The following ATP2B1 variants were observed in gnomAD, a reference collection of about 807,000 sequenced individuals.
ATP2B1 encodes the protein plasma membrane calcium-transporting ATPase 1.
In ATP2B1, 14 loss-of-function variants were observed where a neutral mutation model predicts 124.2. That is an observed-to-expected ratio of 0.11 (90% CI 0.07 to 0.18). ATP2B1 has a LOEUF of 0.18. Ranked by LOEUF, ATP2B1 falls within the 10% of genes least tolerant of loss-of-function variation. ATP2B1 has a pLI of 1.00. For missense variants in ATP2B1, 763 were observed against 1,466.1 expected, an observed-to-expected ratio of 0.52 and a Z score of 7.83; for synonymous variants, 449 against 492.4, an observed-to-expected ratio of 0.91 and a Z score of 1.17.
chr12:89,705,934 G>A (rs1254864545), intron 1 of ATP2B1, among the ~76,000 whole-genome samples: 1 of 152,066 alleles, frequency 6.6e-6, no homozygotes, highest in Admixed American at 6.5e-5. Flanking sequence ...AATATTTTGC[G>A]GTTTGTAAGT....
intron 2 of ATP2B1, among the ~76,000 whole-genome samples, chr12:89,647,311 G>A (rs1376551040): frequency 2.6e-5 from 4 of 152,076 alleles, no homozygotes; most frequent in African/African-American, 9.7e-5. Flanking sequence ...CATGCTTTTG[G>A]GGTCTGACTC....
intron 10 of ATP2B1, among the ~76,000 whole-genome samples, chr12:89,620,573 TAC>T (rs1169199065): frequency 6.6e-6 from 1 of 152,214 alleles, no homozygotes; most frequent in East Asian, 1.9e-4. Flanking sequence ...TGGTTCCTAA[TAC>T]AGAGTGGAAC....
chr12:89,697,547 T>C (rs1891291671), intron 1 of ATP2B1, among the ~76,000 whole-genome samples: 1 of 152,174 alleles, frequency 6.6e-6, no homozygotes, highest in Admixed American at 6.5e-5. Flanking sequence ...ACACAGGAGA[T>C]GAATGACAGA....
chr12:89,642,483 G>A, intron 2 of ATP2B1, 128 bp from the exon 3 acceptor site: 1 of 911,162 alleles, frequency 1.1e-6, no homozygotes, highest in Non-Finnish European at 1.6e-6. Context: ...TGCTTTAAGT[G>A]TACAGAATTT....
chr12:89,678,701 A>G (rs974102020), intron 1 of ATP2B1, among the ~76,000 whole-genome samples: 2 of 152,202 alleles, frequency 1.3e-5, no homozygotes, highest in African/African-American at 4.8e-5. Flanking sequence ...TTGAACCTGT[A>G]TACTGCCAGA....
At chr12:89,595,283 T>C (rs995325711) in intron 20 of ATP2B1, among the ~76,000 whole-genome samples, 4 of 152,048 alleles carry the variant, frequency 2.6e-5, no homozygotes, top group Non-Finnish European at 5.9e-5. Flanking sequence ...AGCTGTAGTT[T>C]GCTGATCCTT....
chr12:89,651,030 C>T (rs1393801545), intron 2 of ATP2B1, among the ~76,000 whole-genome samples: 1 of 152,122 alleles, frequency 6.6e-6, no homozygotes, highest in African/African-American at 2.4e-5. Context: ...TCTAACGGAG[C>T]CAAAAATATG....
At chr12:89,680,970 A>G (rs1889277905) in intron 1 of ATP2B1, among the ~76,000 whole-genome samples, 1 of 152,194 alleles carries the variant, frequency 6.6e-6, no homozygotes, top group South Asian at 2.1e-4. Context: ...AAGTATACAA[A>G]AAGAGAAACA....
At chr12:89,591,375 A>G in intron 20 of ATP2B1, 80 bp from the exon 21 acceptor site, 1 of 1,240,574 alleles carries the variant, frequency 8.1e-7, no homozygotes, top group East Asian at 2.4e-5. Context: ...GTTTGAATCC[A>G]CAAACAGCTA....
intron 1 of ATP2B1, among the ~76,000 whole-genome samples, chr12:89,686,848 G>A (rs1218146213): frequency 6.6e-6 from 1 of 152,032 alleles, no homozygotes; most frequent in Non-Finnish European, 1.5e-5. Flanking sequence ...TACACATTAA[G>A]AGAAAACTGA....
intron 1 of ATP2B1, among the ~76,000 whole-genome samples, chr12:89,703,391 C>T (rs1269809538): frequency 6.6e-6 from 1 of 152,120 alleles, no homozygotes; most frequent in Non-Finnish European, 1.5e-5. Flanking sequence ...AATTAGTATG[C>T]TATCACTAAT....
intron 1 of ATP2B1, among the ~76,000 whole-genome samples, chr12:89,672,003 C>A (rs760773354): frequency 6.6e-5 from 10 of 152,106 alleles, no homozygotes; most frequent in Non-Finnish European, 1.0e-4. Context: ...AGAGGAGATA[C>A]CTCAGTATCA....
At chr12:89,623,807 A>G (rs1252593333) in intron 9 of ATP2B1, among the ~76,000 whole-genome samples, 2 of 152,230 alleles carry the variant, frequency 1.3e-5, no homozygotes, top group African/African-American at 4.8e-5. Flanking sequence ...TGGAAATCAT[A>G]ATTTTTAACT....
chr12:89,704,798 G>C (rs1290422444), intron 1 of ATP2B1, among the ~76,000 whole-genome samples: 1 of 152,080 alleles, frequency 6.6e-6, no homozygotes, highest in Non-Finnish European at 1.5e-5. Context: ...GGCACCTGCT[G>C]TAAAATACAC....
At chr12:89,600,648 A>ATTT (rs397850977) in intron 19 of ATP2B1, among the ~76,000 whole-genome samples, 2 of 140,002 alleles carry the variant, frequency 1.4e-5, no homozygotes, top group African/African-American at 5.2e-5. Flanking sequence ...ATGACAATGT[A>ATTT]TTTTTTTTTT....
At chr12:89,635,615 G>T (rs1341829718) in intron 3 of ATP2B1, among the ~76,000 whole-genome samples, 1 of 152,208 alleles carries the variant, frequency 6.6e-6, no homozygotes, top group East Asian at 1.9e-4. Flanking sequence ...GATTAAATGT[G>T]AGGATACTGG....
intron 2 of ATP2B1, among the ~76,000 whole-genome samples, chr12:89,644,280 A>G (rs1385707980): frequency 1.3e-5 from 2 of 152,342 alleles, no homozygotes; most frequent in Non-Finnish European, 2.9e-5. Flanking sequence ...AGACAGGAAA[A>G]CAGTAGATTA....
In ATP2B1 at chr12:89,682,955, T is replaced by C. The variant is rs114924948; in HGVS notation, c.-222+25641A>G. ...ACAGAAAAAGGGCTACTTTCCCTAA[T>C]ACATAAAATAAATGTTTTAAGTTGA... On this transcript the variant is annotated intron_variant, in intron 1 of 20. Coordinates refer to ENST00000428670, the MANE Select transcript of ATP2B1 (RefSeq NM_001366521.1). Among the ~76,000 whole-genome samples the C allele has an allele frequency of 6.9e-3, 1,052 of 152,182 alleles. 16 individuals carry two copies. Among genetic ancestry groups the C allele is most frequent in the African/African-American group, 0.024 (988 of 41,522 alleles).
chr12:89,633,081 T>C (rs1285447736), intron 5 of ATP2B1, among the ~76,000 whole-genome samples: 1 of 152,186 alleles, frequency 6.6e-6, no homozygotes, highest in Non-Finnish European at 1.5e-5. Flanking sequence ...TATGATTAGA[T>C]AGCTTCCCTC....
Sources: gnomAD v4.1 joint callset for allele counts (sites outside exome capture counted in the v4.1 genomes callset) on GRCh38, gnomAD v4.1.1 for gene constraint, MANE v1.5 for transcripts, NCBI Gene and HGNC (gene_info 2026-07-23, HGNC 2026-07-21) for gene names.